Variants in RNF130 observed in about 807,000 individuals in gnomAD.
RNF130 encodes the protein E3 ubiquitin-protein ligase RNF130.
Under a neutral mutation model 44.6 loss-of-function variants are expected in RNF130, and 21 were observed. That is an observed-to-expected ratio of 0.47 (90% CI 0.33 to 0.68). The LOEUF is 0.68. Among genes scored for constraint, RNF130 ranks in the 30% least tolerant of loss-of-function variants. The probability of loss-of-function intolerance (pLI) is 0.02; values close to 1 mark genes in which losing one functional copy is unlikely to be tolerated. For synonymous variants in RNF130, 214 were observed against 210.4 expected, an observed-to-expected ratio of 1.02 and a Z score of -0.15; for missense variants, 479 against 560.6, an observed-to-expected ratio of 0.85 and a Z score of 1.47.
At chr5:179,975,151 C>G (rs567285103) in intron 5 of RNF130, among the ~76,000 whole-genome samples, 2 of 152,200 alleles carry the variant, frequency 1.3e-5, no homozygotes, top group Admixed American at 1.3e-4. Context: ...AAAGCCACAG[C>G]AGGTAACACC....
chr5:179,926,420 C>T (rs1222445668), intron 7 of RNF130, among the ~76,000 whole-genome samples: 7 of 152,050 alleles, frequency 4.6e-5, no homozygotes, highest in African/African-American at 1.2e-4. Context: ...CCGAGGCAGG[C>T]GGATCACCTG....
chr5:180,019,125 C>A (rs1039874098), intron 2 of RNF130, among the ~76,000 whole-genome samples: 5 of 152,310 alleles, frequency 3.3e-5, no homozygotes, highest in Non-Finnish European at 7.4e-5. Context: ...TGGCTCACGC[C>A]TGTAATCCCA....
intron 3 of RNF130, among the ~76,000 whole-genome samples, chr5:179,986,232 T>C (rs1335309598): frequency 1.3e-5 from 2 of 152,238 alleles, no homozygotes; most frequent in East Asian, 3.8e-4. Context: ...GCTTCATGAA[T>C]AGATTTTTCT....
intron 1 of RNF130, among the ~76,000 whole-genome samples, chr5:180,041,263 A>T (rs1034701440): frequency 6.6e-6 from 1 of 152,208 alleles, no homozygotes; most frequent in African/African-American, 2.4e-5. Flanking sequence ...ATCTAAGTAG[A>T]ATAAATGTAT....
chr5:180,013,786 A>G (rs1184051986), intron 2 of RNF130, among the ~76,000 whole-genome samples: 1 of 152,224 alleles, frequency 6.6e-6, no homozygotes, highest in African/African-American at 2.4e-5. Flanking sequence ...TTCTTGCACT[A>G]ATCTAGGAAC....
chr5:179,923,827 T>C (rs1761666790), intron 7 of RNF130, among the ~76,000 whole-genome samples: 1 of 152,230 alleles, frequency 6.6e-6, no homozygotes, highest in Non-Finnish European at 1.5e-5. Context: ...GTTTTTCTTT[T>C]AACAACACTA....
chr5:179,961,633 G>A (rs1336526161), intron 8 of RNF130, among the ~76,000 whole-genome samples: 2 of 152,074 alleles, frequency 1.3e-5, no homozygotes, highest in African/African-American at 4.8e-5. Context: ...GCTTGTACTG[G>A]TTATCACTCA....
chr5:180,009,219 C>T (rs1763529430), intron 3 of RNF130, among the ~76,000 whole-genome samples: 1 of 151,952 alleles, frequency 6.6e-6, no homozygotes, highest in Admixed American at 6.6e-5. Flanking sequence ...AGACTTGACA[C>T]CAAAAGCACA....
At position 180,040,451 on chromosome 5, in the gene RNF130, A is replaced by C. The variant is rs1356460100; in HGVS notation, c.442+2T>G. 3 of 1,605,696 alleles carry C rather than the reference A, an allele frequency of 1.9e-6. No homozygotes were observed. The highest frequency in any genetic ancestry group is 1.7e-6 in the Non-Finnish European group (2 of 1,175,136). ...AAATCAACAACCCTCATTTTTGTTT[A>C]CCTGGATGAGTCATGGTAACTGGCT... On this transcript the variant is annotated splice_donor_variant, in intron 2 of 8. Coordinates refer to ENST00000521389, the MANE Select transcript of RNF130 (RefSeq NM_018434.6). LOFTEE classifies it high-confidence loss of function.
chr5:180,038,638 A>G (rs936619185), intron 2 of RNF130, among the ~76,000 whole-genome samples: 27 of 152,004 alleles, frequency 1.8e-4, no homozygotes, highest in African/African-American at 6.3e-4. Context: ...ACAAACTAAC[A>G]TTTCAAGGAA....
intron 1 of RNF130, among the ~76,000 whole-genome samples, chr5:180,054,626 G>C (rs900045857): frequency 6.6e-6 from 1 of 152,194 alleles, no homozygotes; most frequent in Non-Finnish European, 1.5e-5. Context: ...GTACCACACT[G>C]TCTTGTAGTA....
At chr5:180,068,655 T>C (rs878944198) in intron 1 of RNF130, among the ~76,000 whole-genome samples, 2 of 152,238 alleles carry the variant, frequency 1.3e-5, no homozygotes, top group African/African-American at 4.8e-5. Context: ...AAACTGATAG[T>C]AGCACTGCAA....
In RNF130 at chr5:179,939,277, G is replaced by GA. The variant is rs10706357; in HGVS notation, c.1151-18852dup. On this transcript the variant is annotated intron_variant, in intron 7 of 7. Coordinates refer to the RNF130 transcript ENST00000522208. ...GAGATTTATAACAACTTTTAAGACA[G>GA]AAAAAAAGTGGTCCTATTATGTGGT... 6.9e-3 allele frequency among the ~76,000 whole-genome samples: 1,045 copies of GA among 151,952 alleles called. 10 individuals are homozygous for GA. The highest frequency in any genetic ancestry group is 0.024 in the African/African-American group (990 of 41,402).
chr5:180,008,059 G>A (rs1033023589), intron 3 of RNF130, among the ~76,000 whole-genome samples: 1 of 150,610 alleles, frequency 6.6e-6, no homozygotes, highest in African/African-American at 2.5e-5. Context: ...GCTGCCTGGG[G>A]CCCTCAAGAC....
At chr5:179,967,104 A>G in intron 6 of RNF130, 94 bp from the exon 7 acceptor site, 1 of 1,144,956 alleles carries the variant, frequency 8.7e-7, no homozygotes, top group Non-Finnish European at 1.3e-6. Flanking sequence ...GCCCTGTTGC[A>G]AAGACCTTAC....
rs2113682917 is a variant in RNF130 at position 179,941,490 on chromosome 5, C to T, written c.1151-21064G>A. Among the ~76,000 whole-genome samples the T allele has an allele frequency of 2.6e-5, 4 of 152,278 alleles. No individual in the cohort carries two copies. The South Asian group carries it at 8.3e-4, about 32-fold the overall frequency. On this transcript the variant is annotated intron_variant, in intron 7 of 7. Transcript: ENST00000522208. ...CCTGGGATGGTTATCGGGGTTCTTT[C>T]TGCTTGGTGGCCCATGAATTCCGAG...
rs574712383 is a variant in RNF130, at chr5:180,065,559, G to C, written c.247+5897C>G. On this transcript the variant is annotated intron_variant, in intron 1 of 8. Coordinates refer to ENST00000521389, the MANE Select transcript of RNF130 (RefSeq NM_018434.6). ...GCGGATCATGAGGTCAGGAGATCGA[G>C]ACCATCCTGGCTAACATGGTGAAAC... Among the ~76,000 whole-genome samples the C allele has an allele frequency of 4.6e-5, 7 of 152,226 alleles. No individual in the cohort carries two copies. The South Asian group carries it at 8.3e-4, about 18-fold the overall frequency.
chr5:180,068,711 A>C (rs1215439485), intron 1 of RNF130, among the ~76,000 whole-genome samples: 1 of 152,250 alleles, frequency 6.6e-6, no homozygotes, highest in Non-Finnish European at 1.5e-5. Context: ...CCACAGCTTC[A>C]AAATGAGCCA....
At chr5:179,933,901 A>G (rs1761848645) in intron 7 of RNF130, 1 of 633,006 alleles carries the variant, frequency 1.6e-6, no homozygotes, top group South Asian at 1.5e-5. Context: ...AAATGAATCC[A>G]AACTGTCAGA....
Sources: gnomAD v4.1 joint callset for allele counts (sites outside exome capture counted in the v4.1 genomes callset) on GRCh38, gnomAD v4.1.1 for gene constraint, MANE v1.5 for transcripts, NCBI Gene and HGNC (gene_info 2026-07-23, HGNC 2026-07-21) for gene names.